Variants in CNTN5 observed in about 807,000 individuals in gnomAD.
CNTN5 encodes the protein contactin-5.
Under a neutral mutation model 129.1 loss-of-function variants are expected in CNTN5, and 77 were observed. The observed-to-expected ratio is 0.60, with a 90% CI of 0.50 to 0.72. CNTN5 has a LOEUF of 0.72. Ranked by LOEUF, CNTN5 falls within the 30% of genes least tolerant of loss-of-function variation. The pLI is 0.00. For missense variants in CNTN5, 1,478 were observed against 1,328.8 expected (o/e 1.11, Z -1.75); for synonymous variants, 509 against 465.6 (o/e 1.09, Z -1.20).
At chr11:99,651,221 G>T (rs1239500392) in intron 3 of CNTN5, among the ~76,000 whole-genome samples, 1 of 93,538 alleles carries the variant, frequency 1.1e-5, no homozygotes, top group Non-Finnish European at 2.8e-5. Context: ...TGTTAAAACA[G>T]AAATCCCACA....
intron 3 of CNTN5, among the ~76,000 whole-genome samples, chr11:99,583,528 G>A (rs1565320752): frequency 6.6e-6 from 1 of 152,204 alleles, no homozygotes; most frequent in Non-Finnish European, 1.5e-5. Flanking sequence ...GCAATGGTGG[G>A]TGCCCCTCCC....
intron 1 of CNTN5, among the ~76,000 whole-genome samples, chr11:99,299,771 G>T (rs1341918064): frequency 6.6e-6 from 1 of 152,136 alleles, no homozygotes; most frequent in Non-Finnish European, 1.5e-5. Flanking sequence ...GTGCGCATGT[G>T]TGTGTGTTTC....
At chr11:99,125,787 A>G (rs754100562) in intron 1 of CNTN5, among the ~76,000 whole-genome samples, 2 of 152,186 alleles carry the variant, frequency 1.3e-5, no homozygotes, top group Non-Finnish European at 2.9e-5. Context: ...TTCACTTTTA[A>G]TAGTCTTCTA....
At chr11:99,720,856 A>AT (rs1395108754) in intron 3 of CNTN5, among the ~76,000 whole-genome samples, 3 of 152,166 alleles carry the variant, frequency 2.0e-5, no homozygotes, top group African/African-American at 4.8e-5. Flanking sequence ...AACAAAACCA[A>AT]AAGGCAAACC....
chr11:99,660,219 G>A (rs1483641207), intron 3 of CNTN5, among the ~76,000 whole-genome samples: 3 of 151,954 alleles, frequency 2.0e-5, no homozygotes, highest in Non-Finnish European at 2.9e-5. Context: ...ATCTTCATAA[G>A]TGAAAAAAAT....
At chr11:99,461,392 A>G (rs1944692463) in intron 2 of CNTN5, among the ~76,000 whole-genome samples, 18 of 152,128 alleles carry the variant, frequency 1.2e-4, no homozygotes, top group Admixed American at 1.2e-3. Context: ...ACTTATAACT[A>G]AAATAAATAT....
intron 13 of CNTN5, among the ~76,000 whole-genome samples, chr11:100,082,744 G>A (rs1485123495): frequency 3.3e-5 from 5 of 152,100 alleles, no homozygotes; most frequent in African/African-American, 1.2e-4. Context: ...AAAAATACTG[G>A]AAATAAATGC....
At chr11:100,222,679 C>T (rs4754675) in intron 15 of CNTN5, among the ~76,000 whole-genome samples, 72,295 of 151,362 alleles carry the variant, frequency 0.48, 19,570 homozygotes, top group South Asian at 0.66. Flanking sequence ...CACAAAACAA[C>T]ATCAACAACA....
chr11:99,355,951 C>T (rs530672083), intron 2 of CNTN5, among the ~76,000 whole-genome samples: 73 of 151,988 alleles, frequency 4.8e-4, no homozygotes, highest in African/African-American at 1.7e-3. Context: ...CTCAGCCTCC[C>T]AAGTAGCTGG....
chr11:99,233,488 AAAT>A (rs1861108824), intron 1 of CNTN5, among the ~76,000 whole-genome samples: 1 of 152,190 alleles, frequency 6.6e-6, no homozygotes, highest in Non-Finnish European at 1.5e-5. Context: ...AGATATCGTC[AAAT>A]AATAATATTC....
chr11:100,320,790 G>T (rs1951675594), intron 21 of CNTN5, among the ~76,000 whole-genome samples: 2 of 152,042 alleles, frequency 1.3e-5, no homozygotes, highest in South Asian at 4.1e-4. Flanking sequence ...TCCAGTTTTT[G>T]CAGAACCATT....
chr11:99,461,821 T>C (rs117257189), intron 2 of CNTN5, among the ~76,000 whole-genome samples: 1 of 152,346 alleles, frequency 6.6e-6, no homozygotes, highest in East Asian at 1.9e-4. Context: ...TGTGCAACTT[T>C]TTTTTAAAAT....
chr11:99,581,203 G>T (rs1402060371), intron 3 of CNTN5, among the ~76,000 whole-genome samples: 1 of 106,352 alleles, frequency 9.4e-6, no homozygotes, highest in Admixed American at 1.0e-4. Context: ...GAGACAGTTT[G>T]TTATAATTTC....
intron 13 of CNTN5, among the ~76,000 whole-genome samples, chr11:100,078,001 C>A (rs943017301): frequency 6.6e-6 from 1 of 151,984 alleles, no homozygotes. Context: ...GTCAGAAAAT[C>A]TCAAAGGTAA....
At chr11:99,808,993 A>G (rs1286868874) in intron 3 of CNTN5, among the ~76,000 whole-genome samples, 2 of 152,186 alleles carry the variant, frequency 1.3e-5, no homozygotes, top group Non-Finnish European at 2.9e-5. Context: ...TGCTCAGAGC[A>G]GCTACACAAG....
At chr11:99,511,470 G>A (rs1946833087) in intron 2 of CNTN5, among the ~76,000 whole-genome samples, 1 of 151,834 alleles carries the variant, frequency 6.6e-6, no homozygotes. Flanking sequence ...CAACTATGTG[G>A]TCAATTTTGG....
chr11:99,762,586 C>T (rs572385033), intron 3 of CNTN5, among the ~76,000 whole-genome samples: 13 of 151,958 alleles, frequency 8.6e-5, no homozygotes, highest in South Asian at 2.1e-4. Flanking sequence ...AGATATGCGG[C>T]GTTATTTCTG....
chr11:99,340,661 C>A (rs976114635), intron 2 of CNTN5, among the ~76,000 whole-genome samples: 1 of 152,120 alleles, frequency 6.6e-6, no homozygotes, highest in Non-Finnish European at 1.5e-5. Flanking sequence ...AAAGCCTGGT[C>A]TGAGTGCCTT....
intron 1 of CNTN5, among the ~76,000 whole-genome samples, chr11:99,232,189 T>C (rs1259959100): frequency 2.0e-5 from 3 of 152,002 alleles, no homozygotes; most frequent in African/African-American, 7.3e-5. Context: ...TGGGGAAGAA[T>C]GTCAATGGTC....
Sources: gnomAD v4.1 joint callset for allele counts (sites outside exome capture counted in the v4.1 genomes callset) on GRCh38, gnomAD v4.1.1 for gene constraint, MANE v1.5 for transcripts, NCBI Gene and HGNC (gene_info 2026-07-23, HGNC 2026-07-21) for gene names.